SKP2: variants seen among roughly 807,000 people sequenced by gnomAD.
SKP2 encodes S-phase kinase-associated protein 2.
A neutral mutation model predicts 51.8 loss-of-function variants in SKP2; 16 were observed. That is an observed-to-expected ratio of 0.31 (90% CI 0.21 to 0.47). The LOEUF (loss-of-function observed/expected upper bound fraction) is 0.47, where lower values mean the gene tolerates loss of function less well. SKP2 is among the 20% of genes least tolerant of loss of function. SKP2 has a pLI of 1.00. For missense variants in SKP2, 377 were observed against 505.3 expected (o/e 0.75, Z 2.43); for synonymous variants, 176 against 198.6 (o/e 0.89, Z 0.96).
rs535958678 is a variant in SKP2, at chr5:36,163,782, A to G, written c.392+26A>G. 3.6e-5 allele frequency: 51 copies of G among 1,406,068 alleles called. No homozygotes were observed. In the East Asian group the frequency reaches 1.1e-3, roughly 31 times the overall value. 87.1% of individuals were successfully genotyped at this position (1,406,068 alleles called of 1,614,324 possible). A position where few individuals can be genotyped will look rare whatever the true frequency, so the allele number is the denominator to read the frequency against. On this transcript the variant is annotated intron_variant, in intron 3 of 9. Coordinates refer to ENST00000274255, the MANE Select transcript of SKP2 (RefSeq NM_005983.4). The stretch of plus-strand genomic sequence containing the variant: ...GTAAGTATTTTTCACCCCTTTGGCA[A>G]ACGTAGGGGAGGAAGAGGAGAGGAA...
chr5:36,166,672 A>G lies in SKP2; in HGVS notation c.536+10A>G. 4 of 1,612,486 alleles carry G rather than the reference A, an allele frequency of 2.5e-6. No individual in the cohort carries two copies. The South Asian group carries it at 4.4e-5, about 18-fold the overall frequency. On this transcript the variant is annotated intron_variant, in intron 4 of 9. Coordinates refer to ENST00000274255, the MANE Select transcript of SKP2 (RefSeq NM_005983.4). ...TGGCTGAACATTTCAGGTAAAGATG[A>G]AAAATCCCTGGAAAAGACTATTTCT...
intron 6 of SKP2, among the ~76,000 whole-genome samples, chr5:36,190,484 T>A (rs954616690): frequency 1.1e-4 from 17 of 152,092 alleles, no homozygotes; most frequent in African/African-American, 4.1e-4. Context: ...ATATATTTGA[T>A]CAGGTTATAC....
intron 3 of SKP2, 33 bp downstream of exon 3, chr5:36,163,789 G>C: frequency 1.5e-6 from 2 of 1,336,340 alleles, no homozygotes; most frequent in Non-Finnish European, 2.2e-6. Flanking sequence ...GCAAACGTAG[G>C]GGAGGAAGAG....
chr5:36,165,802 A>G (rs1745265717), intron 3 of SKP2, among the ~76,000 whole-genome samples: 1 of 152,184 alleles, frequency 6.6e-6, no homozygotes, highest in Non-Finnish European at 1.5e-5. Context: ...CTTTTTTTAA[A>G]TTGAATTAAA....
intron 9 of SKP2, among the ~76,000 whole-genome samples, chr5:36,177,697 C>A (rs1745678969): frequency 6.6e-6 from 1 of 150,376 alleles, no homozygotes; most frequent in South Asian, 2.1e-4. Context: ...AAACTTTCAT[C>A]TGGGCTTAAA....
chr5:36,177,789 G>T (rs1270995446), intron 9 of SKP2, among the ~76,000 whole-genome samples: 1 of 152,110 alleles, frequency 6.6e-6, no homozygotes, highest in African/African-American at 2.4e-5. Context: ...TGTATTGTAA[G>T]TCTGATACTG....
intron 9 of SKP2, among the ~76,000 whole-genome samples, chr5:36,178,400 A>G (rs1745699397): frequency 6.6e-6 from 1 of 152,166 alleles, no homozygotes; most frequent in Non-Finnish European, 1.5e-5. Flanking sequence ...TAGTAGAGTT[A>G]GGAAATCTGG....
intron 6 of SKP2, among the ~76,000 whole-genome samples, chr5:36,191,440 G>A (rs982575276): frequency 1.4e-5 from 2 of 144,128 alleles, no homozygotes; most frequent in African/African-American, 5.2e-5. Context: ...GTAATATCCT[G>A]TTCTTCTATT....
At chr5:36,186,392 T>C (rs1470199554), downstream of SKP2, among the ~76,000 whole-genome samples, 5 of 152,222 alleles carry the variant, frequency 3.3e-5, no homozygotes, top group Non-Finnish European at 7.3e-5. Context: ...TGTGGGTTTG[T>C]CATAAATAGC....
At chr5:36,152,639 C>G (rs1744776741) in intron 1 of SKP2, 132 bp from the exon 2 acceptor site, 2 of 903,438 alleles carry the variant, frequency 2.2e-6, no homozygotes, top group African/African-American at 1.7e-5. Flanking sequence ...GCCGCAGGCA[C>G]ATAAAAAATG....
intron 7 of SKP2, among the ~76,000 whole-genome samples, chr5:36,173,985 A>G (rs1157534661): frequency 1.3e-5 from 2 of 152,118 alleles, no homozygotes; most frequent in Admixed American, 1.3e-4. Context: ...AGTAGAACCC[A>G]TCTCTTAGAG....
intron 2 of SKP2, among the ~76,000 whole-genome samples, chr5:36,161,554 T>G (rs968979556): frequency 1.3e-5 from 2 of 152,198 alleles, no homozygotes; most frequent in Non-Finnish European, 2.9e-5. Context: ...TGGAACACAT[T>G]TCTAGATAAC....
intron 3 of SKP2, 36 bp downstream of exon 3, chr5:36,163,792 A>C (rs777362660): frequency 2.7e-5 from 36 of 1,310,496 alleles, no homozygotes; most frequent in Non-Finnish European, 4.0e-5. Context: ...AACGTAGGGG[A>C]GGAAGAGGAG....
chr5:36,186,459 T>A (rs562347187), downstream of SKP2, among the ~76,000 whole-genome samples: 22 of 152,222 alleles, frequency 1.4e-4, no homozygotes, highest in African/African-American at 5.3e-4. Flanking sequence ...AGCATGAAGG[T>A]TGTTGAATTT....
chr5:36,171,920 G>C (rs1251040352), intron 7 of SKP2, among the ~76,000 whole-genome samples, 187 bp downstream of exon 7: 1 of 152,220 alleles, frequency 6.6e-6, no homozygotes, highest in Non-Finnish European at 1.5e-5. Flanking sequence ...TAGTGAGCTA[G>C]AGCCAAGGTT....
intron 9 of SKP2, chr5:36,177,526 C>A: frequency 1.8e-6 from 1 of 568,534 alleles, no homozygotes; most frequent in Admixed American, 2.3e-5. Flanking sequence ...TAATTACTAG[C>A]TTGCTGTCTT....
At chr5:36,186,003 C>T (rs886535673), downstream of SKP2, among the ~76,000 whole-genome samples, 48 of 152,206 alleles carry the variant, frequency 3.2e-4, no homozygotes, top group Non-Finnish European at 2.9e-4. Context: ...GTATTTTATT[C>T]TCTTTGAAGC....
At chr5:36,184,907 C>T (rs1237247156), downstream of SKP2, among the ~76,000 whole-genome samples, 1 of 152,224 alleles carries the variant, frequency 6.6e-6, no homozygotes, top group Non-Finnish European at 1.5e-5. Flanking sequence ...TATATCTCCA[C>T]ATCCTCTCCA....
chr5:36,165,586 G>A (rs1415785745), intron 3 of SKP2, among the ~76,000 whole-genome samples: 1 of 152,120 alleles, frequency 6.6e-6, no homozygotes, highest in African/African-American at 2.4e-5. Flanking sequence ...ATACAAAAGT[G>A]TGCCACTCTC....
Sources: gnomAD v4.1 joint callset for allele counts (sites outside exome capture counted in the v4.1 genomes callset) on GRCh38, gnomAD v4.1.1 for gene constraint, MANE v1.5 for transcripts, NCBI Gene and HGNC (gene_info 2026-07-23, HGNC 2026-07-21) for gene names.